The following PCDHGA1 variants were observed in gnomAD, a reference collection of about 807,000 sequenced individuals.
The protein encoded by PCDHGA1 is protocadherin gamma subfamily A, 1, also known as protocadherin gamma-A1.
Under a neutral mutation model 58.0 loss-of-function variants are expected in PCDHGA1, and 32 were observed. That is an observed-to-expected ratio of 0.55 (90% CI 0.42 to 0.74). The LOEUF is 0.74. Ranked by LOEUF, PCDHGA1 falls within the 30% of genes least tolerant of loss-of-function variation. The pLI is 0.00. For synonymous variants in PCDHGA1, 498 were observed against 501.1 expected, an observed-to-expected ratio of 0.99 and a Z score of 0.08; for missense variants, 1,205 against 1,182.3, an observed-to-expected ratio of 1.02 and a Z score of -0.28.
At chr5:141,400,017 C>T in intron 1 of PCDHGA1, 1 of 1,612,778 alleles carries the variant, frequency 6.2e-7, no homozygotes. Context: ...CCTTGGGCGA[C>T]AGGGACGCGG....
chr5:141,359,058 A>G (rs1335887874), intron 1 of PCDHGA1, among the ~76,000 whole-genome samples: 1 of 152,254 alleles, frequency 6.6e-6, no homozygotes, highest in African/African-American at 2.4e-5. Flanking sequence ...AATATGCCTC[A>G]ATTTGACTTA....
At position 141,477,131 on chromosome 5, in the gene PCDHGA1, TTGG is replaced by T; in HGVS notation, c.2422-17672_2422-17670del. 1 of 1,614,130 alleles carries T rather than the reference TTGG, an allele frequency of 6.2e-7. No individual in the cohort carries two copies. The highest frequency in any genetic ancestry group is 8.5e-7 in the Non-Finnish European group (1 of 1,180,014). On this transcript the variant is annotated intron_variant, in intron 1 of 3. Transcript: ENST00000517417. The surrounding 1 kb of genome is among the most constrained non-coding windows in gnomAD (Gnocchi z 4.9). The stretch of plus-strand genomic sequence containing the variant: ...TCCCGAAGGAGCACATTGCAAAGTG[TTGG>T]TGGAGGTTGTGGATGTGAATGACAA...
In PCDHGA1 at chr5:141,364,349, G is replaced by A. The variant is rs758855393; in HGVS notation, c.2421+31244G>A. The A allele has an allele frequency of 2.6e-5, 40 of 1,549,338 alleles. No homozygotes were observed. Among genetic ancestry groups the A allele is most frequent in the Non-Finnish European group, 3.1e-5 (36 of 1,150,712 alleles). On this transcript the variant is annotated intron_variant, in intron 1 of 3. Coordinates refer to ENST00000517417, the MANE Select transcript of PCDHGA1 (RefSeq NM_018912.3). ...GAAGGCAATGGCGAGTCCACCTAGG[G>A]GCTGGGGCTGCGGAGAGCTGCTGCT...
At chr5:141,499,323 GCTCT>G (rs1259902316) in intron 2 of PCDHGA1, among the ~76,000 whole-genome samples, 1 of 152,046 alleles carries the variant, frequency 6.6e-6, no homozygotes, top group East Asian at 1.9e-4. Context: ...CAGTATCCCT[GCTCT>G]CTCTCAGTTT....
At chr5:141,462,542 T>C (rs910054469) in intron 1 of PCDHGA1, among the ~76,000 whole-genome samples, 1 of 152,222 alleles carries the variant, frequency 6.6e-6, no homozygotes, top group Non-Finnish European at 1.5e-5. Flanking sequence ...AGTGATCTTT[T>C]CTTCTTCAGT....
At chr5:141,393,388 C>G (rs775991086) in intron 1 of PCDHGA1, 7 of 1,613,992 alleles carry the variant, frequency 4.3e-6, no homozygotes, top group Non-Finnish European at 5.9e-6. Context: ...GCCATAAACC[C>G]AGAGCTGGTG....
intron 1 of PCDHGA1, chr5:141,403,591 G>A (rs1377998886): frequency 2.5e-6 from 4 of 1,613,836 alleles, no homozygotes; most frequent in East Asian, 2.2e-5. Context: ...TGGTCCTCAC[G>A]GCCTCGGATG....
At chr5:141,465,186 G>T (rs2099098546) in intron 1 of PCDHGA1, among the ~76,000 whole-genome samples, 1 of 151,852 alleles carries the variant, frequency 6.6e-6, no homozygotes, top group African/African-American at 2.4e-5. Flanking sequence ...TTAATTAAAA[G>T]ATAAAAATAA....
intron 1 of PCDHGA1, chr5:141,351,381 A>G (rs1166014937): frequency 1.9e-6 from 3 of 1,612,406 alleles, no homozygotes; most frequent in Admixed American, 1.7e-5. Context: ...GATTCTGGGC[A>G]AAATGGCATG....
intron 1 of PCDHGA1, chr5:141,383,969 C>G (rs981868963): frequency 6.2e-7 from 1 of 1,613,732 alleles, no homozygotes; most frequent in Non-Finnish European, 8.5e-7. Context: ...AGCTCAATCC[C>G]TGAAGACACA....
intron 1 of PCDHGA1, chr5:141,423,343 C>T: frequency 6.2e-7 from 1 of 1,614,208 alleles, no homozygotes; most frequent in South Asian, 1.1e-5. Flanking sequence ...CTGCATCTTC[C>T]TGGTCTTTGT....
At chr5:141,446,098 A>G (rs375135134) in intron 1 of PCDHGA1, among the ~76,000 whole-genome samples, 2 of 152,350 alleles carry the variant, frequency 1.3e-5, no homozygotes, top group African/African-American at 4.8e-5. Flanking sequence ...TGGATGAATT[A>G]TAGATATATT....
intron 1 of PCDHGA1, chr5:141,393,578 G>T: frequency 6.2e-7 from 1 of 1,613,930 alleles, no homozygotes; most frequent in Non-Finnish European, 8.5e-7. Context: ...TTGAGAACAT[G>T]CCCCCAGGCA....
Position 141,388,695 on chromosome 5 carries a change from G to A in PCDHGA1, c.2421+55590G>A, listed in dbSNP as rs2091456760. On this transcript the variant is annotated intron_variant, in intron 1 of 3. Coordinates refer to ENST00000517417, the MANE Select transcript of PCDHGA1 (RefSeq NM_018912.3). ...ACAGGTGACTGCCACGGACCAGGAT[G>A]AGGGTGTCAATGCCGAGATTACTTT... The A allele has an allele frequency of 3.7e-6, 6 of 1,614,018 alleles. No homozygotes were observed. Among genetic ancestry groups the A allele is most frequent in the Middle Eastern group, 1.6e-4 (1 of 6,062 alleles).
intron 1 of PCDHGA1, chr5:141,388,450 G>GATGGCAA: frequency 6.2e-7 from 1 of 1,613,844 alleles, no homozygotes; most frequent in Non-Finnish European, 8.5e-7. Flanking sequence ...TCAGATGGCA[G>GATGGCAA]TAAATACCCT....
chr5:141,474,597 T>C (rs1454833258), intron 1 of PCDHGA1, among the ~76,000 whole-genome samples: 2 of 152,248 alleles, frequency 1.3e-5, no homozygotes, highest in Non-Finnish European at 2.9e-5. Flanking sequence ...CATGGAAATA[T>C]AGGTCACATA....
intron 1 of PCDHGA1, chr5:141,356,888 T>C: frequency 6.2e-7 from 1 of 1,614,236 alleles, no homozygotes; most frequent in Non-Finnish European, 8.5e-7. Context: ...CCTGAGATCC[T>C]GTACCCCACC....
chr5:141,497,396 C>T (rs2099776233), intron 2 of PCDHGA1, among the ~76,000 whole-genome samples: 1 of 152,116 alleles, frequency 6.6e-6, no homozygotes, highest in Middle Eastern at 3.2e-3. Flanking sequence ...CTTACCCCTG[C>T]CTCAACTCCC....
rs2094474207 is a variant in PCDHGA1 at position 141,403,989 on chromosome 5, A to C, written c.2421+70884A>C. On this transcript the variant is annotated intron_variant, in intron 1 of 3. Coordinates refer to ENST00000517417, the MANE Select transcript of PCDHGA1 (RefSeq NM_018912.3). ...GAAGATGTAAATGACAATAGACCTG[A>C]AGTGACCATTACATCTCTGTTTAGC... The C allele has an allele frequency of 1.2e-6, 2 of 1,613,868 alleles. No homozygotes were observed. Among genetic ancestry groups the C allele is most frequent in the Middle Eastern group, 1.6e-4 (1 of 6,062 alleles).
Sources: gnomAD v4.1 joint callset for allele counts (sites outside exome capture counted in the v4.1 genomes callset) on GRCh38, gnomAD v4.1.1 for gene constraint, Gnocchi (gnomAD v3.1) non-coding constraint, MANE v1.5 for transcripts, NCBI Gene and HGNC (gene_info 2026-07-23, HGNC 2026-07-21) for gene names.